The following SDK1 variants were observed in gnomAD, a reference collection of about 807,000 sequenced individuals.
SDK1 encodes protein sidekick-1.
Under a neutral mutation model 245.5 loss-of-function variants are expected in SDK1, and 157 were observed. That is an observed-to-expected ratio of 0.64 (90% confidence interval 0.56 to 0.73). The LOEUF is 0.73. Among genes scored for constraint, SDK1 ranks in the 30% least tolerant of loss-of-function variants. The pLI is 0.00. For missense variants in SDK1, 3,583 were observed against 3,002.3 expected, an observed-to-expected ratio of 1.19 and a Z score of -4.52; for synonymous variants, 1,647 against 1,278.5, an observed-to-expected ratio of 1.29 and a Z score of -6.15.
chr7:3,373,400 A>G (rs956151611), intron 1 of SDK1, among the ~76,000 whole-genome samples: 1 of 152,242 alleles, frequency 6.6e-6, no homozygotes, highest in African/African-American at 2.4e-5. Context: ...GAACAAGTCA[A>G]TGACAGAAAA....
At chr7:3,868,354 C>G (rs565603004) in intron 5 of SDK1, among the ~76,000 whole-genome samples, 3 of 152,082 alleles carry the variant, frequency 2.0e-5, no homozygotes, top group Admixed American at 1.3e-4. Flanking sequence ...TACCATCAAG[C>G]GGACCCTTGA....
At chr7:4,007,643 C>T (rs368350862) in intron 14 of SDK1, among the ~76,000 whole-genome samples, 6 of 152,086 alleles carry the variant, frequency 3.9e-5, no homozygotes, top group Admixed American at 2.0e-4. Context: ...CTTGCTCTGT[C>T]GCCCAGGCTG....
intron 1 of SDK1, among the ~76,000 whole-genome samples, chr7:3,349,121 C>G (rs1583720864): frequency 6.6e-6 from 1 of 152,174 alleles, no homozygotes; most frequent in East Asian, 1.9e-4. Context: ...GATTCTTGCT[C>G]CTCTCCTACT....
chr7:4,013,123 G>T (rs1018904036), intron 16 of SDK1, among the ~76,000 whole-genome samples: 1 of 152,186 alleles, frequency 6.6e-6, no homozygotes, highest in Non-Finnish European at 1.5e-5. Flanking sequence ...ACACACTTCT[G>T]CAGGCCAGAT....
At chr7:3,813,463 A>G (rs1433360977) in intron 4 of SDK1, among the ~76,000 whole-genome samples, 2 of 138,616 alleles carry the variant, frequency 1.4e-5, no homozygotes, top group Non-Finnish European at 3.1e-5. Flanking sequence ...ATGGCTGCAT[A>G]GTATTCCATG....
chr7:3,832,425 C>T (rs563873376), intron 5 of SDK1, among the ~76,000 whole-genome samples: 2 of 152,228 alleles, frequency 1.3e-5, no homozygotes, highest in East Asian at 1.9e-4. Flanking sequence ...TATTACTGTT[C>T]ATTGTAAACG....
chr7:3,984,592 A>T (rs1443336550), intron 13 of SDK1, among the ~76,000 whole-genome samples: 1 of 152,086 alleles, frequency 6.6e-6, no homozygotes, highest in Non-Finnish European at 1.5e-5. Flanking sequence ...GCATATGGTC[A>T]CCTGGCCCGA....
chr7:4,099,244 G>T (rs1367433465), intron 22 of SDK1, among the ~76,000 whole-genome samples: 1 of 151,026 alleles, frequency 6.6e-6, no homozygotes, highest in African/African-American at 2.4e-5. Context: ...ATTTTTATTC[G>T]GGAACGGTGA....
At chr7:4,208,070 C>T (rs886076278) in intron 36 of SDK1, 29 bp from the exon 37 acceptor site, 3 of 1,574,032 alleles carry the variant, frequency 1.9e-6, no homozygotes, top group African/African-American at 1.4e-5. Context: ...TCCCCAGGAC[C>T]CACCCCAACC....
At chr7:4,258,978 G>A (rs1054180324) in intron 44 of SDK1, among the ~76,000 whole-genome samples, 7 of 152,198 alleles carry the variant, frequency 4.6e-5, no homozygotes, top group African/African-American at 1.7e-4. Context: ...AGGAAGTTTA[G>A]ATTCCAAGTT....
At chr7:4,002,435 T>G (rs1046622808) in intron 14 of SDK1, among the ~76,000 whole-genome samples, 17 of 152,308 alleles carry the variant, frequency 1.1e-4, no homozygotes, top group Admixed American at 9.2e-4. Flanking sequence ...TCCACCAAAC[T>G]AATCTCAGTA....
chr7:4,161,788 C>G lies in SDK1; in HGVS notation c.4732C>G (p.Pro1578Ala), dbSNP rs1781142361. 1.2e-6 allele frequency: 2 copies of G among 1,612,854 alleles called. No individual in the cohort carries two copies. The highest frequency in any genetic ancestry group is 1.7e-6 in the Non-Finnish European group (2 of 1,179,152). ...CTTTCCTCTCCTGTGTGTTTCAGTT[C>G]CAGGAGAGCCCCCGGGATCTGTCTC... ...TEAVTTLQDV[P>A]GEPPGSVSAT... is the part of the protein sequence containing the mutation. The change falls in exon 32 of 45, where the codon CCA becomes GCA. Residue 1578 changes from proline to alanine, a missense_variant and splice_region_variant. By Grantham distance (27) the Pro-to-Ala change is conservative. Transcript: ENST00000404826.
chr7:3,320,016 T>A (rs1562411207), intron 1 of SDK1, among the ~76,000 whole-genome samples: 1 of 151,882 alleles, frequency 6.6e-6, no homozygotes, highest in East Asian at 1.9e-4. Flanking sequence ...CTGGATGTGG[T>A]GGAGGGATAT....
chr7:3,795,716 C>A (rs576927647), intron 4 of SDK1, among the ~76,000 whole-genome samples: 2 of 152,096 alleles, frequency 1.3e-5, no homozygotes, highest in South Asian at 2.1e-4. Context: ...AAAATGTGCC[C>A]TTTCTGAAGC....
chr7:3,965,711 C>T (rs1186277774), intron 9 of SDK1, among the ~76,000 whole-genome samples: 1 of 151,982 alleles, frequency 6.6e-6, no homozygotes, highest in East Asian at 1.9e-4. Flanking sequence ...GACGAGATGA[C>T]TCCAGCCAGC....
At chr7:3,818,497 G>T (rs1202526883) in intron 4 of SDK1, among the ~76,000 whole-genome samples, 1 of 152,158 alleles carries the variant, frequency 6.6e-6, no homozygotes, top group Non-Finnish European at 1.5e-5. Flanking sequence ...ACTAACCACT[G>T]TTAACCTTTT....
chr7:4,101,570 C>G (rs977259628), intron 22 of SDK1, among the ~76,000 whole-genome samples: 1 of 152,188 alleles, frequency 6.6e-6, no homozygotes, highest in Non-Finnish European at 1.5e-5. Context: ...GTGGAGGAGA[C>G]CCCACCATGT....
intron 40 of SDK1, among the ~76,000 whole-genome samples, chr7:4,224,293 C>T (rs1785298011): frequency 6.6e-6 from 1 of 152,184 alleles, no homozygotes; most frequent in Non-Finnish European, 1.5e-5. Context: ...TCTGGGGAGG[C>T]CCCAGGAAAT....
chr7:3,477,992 T>C (rs868065674), intron 1 of SDK1, among the ~76,000 whole-genome samples: 4 of 152,202 alleles, frequency 2.6e-5, no homozygotes, highest in Admixed American at 1.3e-4. Context: ...GTTTCCCATA[T>C]GTATTGAATT....
Sources: gnomAD v4.1 joint callset for allele counts (sites outside exome capture counted in the v4.1 genomes callset) on GRCh38, gnomAD v4.1.1 for gene constraint, MANE v1.5 for transcripts, NCBI Gene and HGNC (gene_info 2026-07-23, HGNC 2026-07-21) for gene names.